RAB3C: variants seen among roughly 807,000 people sequenced by gnomAD.
RAB3C encodes the protein ras-related protein Rab-3C.
A neutral mutation model predicts 26.4 loss-of-function variants in RAB3C; 17 were observed. The ratio of observed to expected loss-of-function variants is 0.64; its 90% confidence interval spans 0.44 to 0.97. RAB3C has a LOEUF of 0.97. Ranked by LOEUF, RAB3C falls within the 50% of genes least tolerant of loss-of-function variation. The pLI, the probability that RAB3C is intolerant of heterozygous loss-of-function variation, is 0.00. For synonymous variants in RAB3C, 91 were observed against 95.9 expected (o/e 0.95, Z 0.30); for missense variants, 242 against 281.9 (o/e 0.86, Z 1.01).
intron 1 of RAB3C, 161 bp downstream of exon 1, chr5:58,583,393 G>T (rs1316136237): frequency 1.0e-6 from 1 of 956,122 alleles, no homozygotes; most frequent in African/African-American, 1.8e-5. Context: ...GTTTCTTTAC[G>T]CTCTGTGTGG....
At chr5:58,737,429 AT>A (rs1561305188) in intron 3 of RAB3C, among the ~76,000 whole-genome samples, 1,162 of 102,858 alleles carry the variant, frequency 0.011, 40 homozygotes, top group South Asian at 0.032. Flanking sequence ...ATATATATAT[AT>A]ATATATATAT....
chr5:58,720,114 T>C (rs1169388322), intron 2 of RAB3C, among the ~76,000 whole-genome samples: 1 of 151,926 alleles, frequency 6.6e-6, no homozygotes, highest in Non-Finnish European at 1.5e-5. Context: ...TCTATTACAA[T>C]TTTAAATTGC....
chr5:58,693,785 T>C (rs967289038), intron 2 of RAB3C, among the ~76,000 whole-genome samples: 6 of 152,188 alleles, frequency 3.9e-5, no homozygotes, highest in Admixed American at 2.0e-4. Context: ...AATGTTTGCC[T>C]GATGGCATGC....
chr5:58,711,589 C>T (rs73102340), intron 2 of RAB3C, among the ~76,000 whole-genome samples: 8,873 of 152,128 alleles, frequency 0.058, 864 homozygotes, highest in African/African-American at 0.2. Context: ...GAGGGAGTCT[C>T]ATTTATTGAG....
intron 3 of RAB3C, among the ~76,000 whole-genome samples, chr5:58,755,319 A>G (rs1205555958): frequency 6.6e-6 from 1 of 152,242 alleles, no homozygotes; most frequent in African/African-American, 2.4e-5. Flanking sequence ...ACTTGCAATT[A>G]TCATTTCCCT....
At chr5:58,626,592 A>T (rs967550675) in intron 2 of RAB3C, among the ~76,000 whole-genome samples, 1 of 152,172 alleles carries the variant, frequency 6.6e-6, no homozygotes, top group African/African-American at 2.4e-5. Flanking sequence ...TGGACAAGTT[A>T]ATTAACTTCT....
At chr5:58,727,171 A>G (rs1740908985) in intron 3 of RAB3C, among the ~76,000 whole-genome samples, 2 of 151,970 alleles carry the variant, frequency 1.3e-5, no homozygotes, top group Admixed American at 6.6e-5. Flanking sequence ...TGATTTTTAC[A>G]TATATATCAG....
At chr5:58,818,987 A>T (rs1743279512) in intron 3 of RAB3C, among the ~76,000 whole-genome samples, 1 of 152,238 alleles carries the variant, frequency 6.6e-6, no homozygotes, top group African/African-American at 2.4e-5. Context: ...GCCTGGAGAT[A>T]TGGAATGGAA....
chr5:58,779,483 C>T (rs916960230), intron 3 of RAB3C, among the ~76,000 whole-genome samples: 3 of 151,800 alleles, frequency 2.0e-5, no homozygotes, highest in African/African-American at 7.3e-5. Context: ...CTCTAGGGCT[C>T]AAGGGATCCT....
chr5:58,619,422 C>A (rs907983746), intron 2 of RAB3C, among the ~76,000 whole-genome samples: 1 of 152,132 alleles, frequency 6.6e-6, no homozygotes, highest in African/African-American at 2.4e-5. Flanking sequence ...GCAGGCAATC[C>A]AATTGTTATA....
At chr5:58,609,903 C>G (rs1232870356) in intron 1 of RAB3C, among the ~76,000 whole-genome samples, 1 of 152,196 alleles carries the variant, frequency 6.6e-6, no homozygotes, top group East Asian at 1.9e-4. Context: ...GCCCTTTCAG[C>G]TTGATGGTGA....
At chr5:58,839,616 C>T (rs1191893892) in intron 4 of RAB3C, among the ~76,000 whole-genome samples, 17 of 152,136 alleles carry the variant, frequency 1.1e-4, no homozygotes, top group South Asian at 2.1e-4. Context: ...GTGATCCACC[C>T]GCCTCGGCCT....
At chr5:58,824,945 T>C in intron 3 of RAB3C, 93 bp from the exon 4 acceptor site, 1 of 848,708 alleles carries the variant, frequency 1.2e-6, no homozygotes, top group Non-Finnish European at 1.8e-6. Context: ...TTCCTTTTGC[T>C]ACCATCATCA....
intron 3 of RAB3C, among the ~76,000 whole-genome samples, chr5:58,809,148 G>C (rs1259583153): frequency 6.6e-6 from 1 of 152,130 alleles, no homozygotes. Flanking sequence ...TGAATGAAAA[G>C]GAATATCAAA....
chr5:58,709,046 C>T (rs1749007500), intron 2 of RAB3C, among the ~76,000 whole-genome samples: 1 of 152,018 alleles, frequency 6.6e-6, no homozygotes, highest in Admixed American at 6.6e-5. Flanking sequence ...TCATTTGTGG[C>T]TTTTTACTCT....
chr5:58,769,108 C>T (rs990266867), intron 3 of RAB3C, among the ~76,000 whole-genome samples: 5 of 151,242 alleles, frequency 3.3e-5, no homozygotes, highest in Admixed American at 6.6e-5. Flanking sequence ...CGAGGATGGC[C>T]GTTAGTTTTG....
At chr5:58,798,601 A>C in intron 3 of RAB3C, among the ~76,000 whole-genome samples, 1 of 152,228 alleles carries the variant, frequency 6.6e-6, no homozygotes, top group East Asian at 1.9e-4. Flanking sequence ...TGTTTCATGA[A>C]CAAAAAGTAT....
At chr5:58,782,152 A>AGAAT (rs1283491549) in intron 3 of RAB3C, among the ~76,000 whole-genome samples, 5 of 152,146 alleles carry the variant, frequency 3.3e-5, no homozygotes, top group Admixed American at 1.3e-4. Context: ...GGAGAGAGAA[A>AGAAT]GAATGAATGA....
chr5:58,714,965 A>G (rs1749137860), intron 2 of RAB3C, among the ~76,000 whole-genome samples: 2 of 152,044 alleles, frequency 1.3e-5, no homozygotes, highest in Non-Finnish European at 2.9e-5. Context: ...GATCCACTGT[A>G]TCAAAAATAC....
Sources: allele counts gnomAD v4.1 joint callset (sites outside exome capture counted in the v4.1 genomes callset), GRCh38; gene constraint gnomAD v4.1.1; transcripts MANE v1.5; gene names NCBI Gene and HGNC (gene_info 2026-07-23, HGNC 2026-07-21).